Variants in ME1 observed in about 807,000 individuals in gnomAD.
ME1 encodes the protein NADP-dependent malic enzyme.
Under a neutral mutation model 66.4 loss-of-function variants are expected in ME1, and 74 were observed. The ratio of observed to expected loss-of-function variants is 1.11; its 90% CI spans 0.92 to 1.35. ME1 has a LOEUF of 1.35. ME1 is among the 40% of genes most tolerant of loss of function. ME1 has a pLI of 0.00. For synonymous variants in ME1, 251 were observed against 235.6 expected (o/e 1.07, Z -0.60); for missense variants, 750 against 694.1 (o/e 1.08, Z -0.90).
At chr6:83,378,881 G>T (rs539890454) in intron 3 of ME1, among the ~76,000 whole-genome samples, 27 of 151,994 alleles carry the variant, frequency 1.8e-4, no homozygotes, top group Non-Finnish European at 3.4e-4. Context: ...AAAGAAGACT[G>T]CCCTCTGGGA....
intron 5 of ME1, among the ~76,000 whole-genome samples, chr6:83,333,640 T>C (rs969442387): frequency 4.6e-5 from 7 of 152,196 alleles, no homozygotes; most frequent in Non-Finnish European, 4.4e-5. Flanking sequence ...GAAAGTAATA[T>C]GTTGGAGCAT....
At chr6:83,238,326 G>A (rs1290833802) in intron 8 of ME1, among the ~76,000 whole-genome samples, 1 of 152,106 alleles carries the variant, frequency 6.6e-6, no homozygotes, top group Non-Finnish European at 1.5e-5. Context: ...TTTATTGCAA[G>A]ATTAAAGGAA....
rs145109045 is a variant in ME1 at position 83,353,158 on chromosome 6, T to C, written c.363-1019A>G. 7.5e-3 allele frequency among the ~76,000 whole-genome samples: 1,146 copies of C among 152,352 alleles called. 12 individuals are homozygous for C. Among genetic ancestry groups the C allele is most frequent in the African/African-American group, 0.026 (1,070 of 41,578 alleles). ...TAGGTTAACATGTTAATCTTTCTTC[T>C]GTATTCTTGGAAAATTGGTAATTGA... is the stretch of plus-strand genomic sequence containing the variant. On this transcript the variant is annotated intron_variant, in intron 3 of 13. Coordinates refer to ENST00000369705, the MANE Select transcript of ME1 (RefSeq NM_002395.6).
At chr6:83,259,081 C>T (rs1583344555) in intron 6 of ME1, among the ~76,000 whole-genome samples, 3 of 152,088 alleles carry the variant, frequency 2.0e-5, no homozygotes, top group East Asian at 3.9e-4. Context: ...TTCACTGTAA[C>T]CAGGTTAACC....
chr6:83,237,238 A>AGAAAGAAAGAAAGAAAGAAC (rs1790417858), intron 9 of ME1, among the ~76,000 whole-genome samples: 1 of 89,936 alleles, frequency 1.1e-5, no homozygotes, highest in East Asian at 2.9e-4. Context: ...AAAGAAAGAA[A>AGAAAGAAAGAAAGAAAGAAC]GAAAGAAAGA....
At chr6:83,223,694 A>G (rs1790133812) in intron 12 of ME1, 66 bp downstream of exon 12, 1 of 1,440,242 alleles carries the variant, frequency 6.9e-7, no homozygotes, top group African/African-American at 1.4e-5. Context: ...ATAAAACATT[A>G]GACAACCTAG....
At chr6:83,317,159 C>A (rs1354829373) in intron 5 of ME1, among the ~76,000 whole-genome samples, 1 of 152,106 alleles carries the variant, frequency 6.6e-6, no homozygotes. Context: ...ATATAGAGGA[C>A]ACAGGACTTG....
chr6:83,245,996 T>G (rs758358698), intron 7 of ME1, among the ~76,000 whole-genome samples: 1 of 152,188 alleles, frequency 6.6e-6, no homozygotes, highest in Non-Finnish European at 1.5e-5. Flanking sequence ...GGAAGAAGTA[T>G]AGTCAGAATG....
intron 3 of ME1, among the ~76,000 whole-genome samples, chr6:83,357,901 C>CT (rs1324198742): frequency 0.02 from 1,460 of 71,706 alleles, 69 homozygotes; most frequent in Middle Eastern, 0.036. Flanking sequence ...TAATAAACTC[C>CT]CCTCTCTCTC....
At chr6:83,373,805 T>C (rs1769238667) in intron 3 of ME1, among the ~76,000 whole-genome samples, 1 of 152,134 alleles carries the variant, frequency 6.6e-6, no homozygotes, top group African/African-American at 2.4e-5. Flanking sequence ...TTCCCCTCCC[T>C]GTGTCCATGT....
At chr6:83,353,277 G>A (rs576412090) in intron 3 of ME1, among the ~76,000 whole-genome samples, 1 of 152,148 alleles carries the variant, frequency 6.6e-6, no homozygotes, top group South Asian at 2.1e-4. Flanking sequence ...ACCATATTTG[G>A]TATTCCTTTT....
intron 3 of ME1, among the ~76,000 whole-genome samples, chr6:83,396,157 A>G (rs1379130918): frequency 6.6e-6 from 1 of 152,116 alleles, no homozygotes; most frequent in Non-Finnish European, 1.5e-5. Context: ...TGAGGCCAAC[A>G]GTTTGAGACC....
intron 3 of ME1, among the ~76,000 whole-genome samples, chr6:83,364,730 T>TATC (rs1469449440): frequency 2.7e-5 from 4 of 150,628 alleles, no homozygotes; most frequent in African/African-American, 9.9e-5. Context: ...TCTATCTATC[T>TATC]ATCTGTCATC....
At chr6:83,429,466 G>C (rs1429766601) in intron 1 of ME1, among the ~76,000 whole-genome samples, 1 of 151,994 alleles carries the variant, frequency 6.6e-6, no homozygotes, top group Non-Finnish European at 1.5e-5. Flanking sequence ...ACAGTAGGCA[G>C]GTGACACATA....
chr6:83,369,615 G>A (rs1472150334), intron 3 of ME1, among the ~76,000 whole-genome samples: 1 of 150,858 alleles, frequency 6.6e-6, no homozygotes, highest in African/African-American at 2.5e-5. Flanking sequence ...AACAGACAGT[G>A]ACCTTGTCAG....
chr6:83,322,970 T>C (rs973974301), intron 5 of ME1, among the ~76,000 whole-genome samples: 1 of 152,246 alleles, frequency 6.6e-6, no homozygotes, highest in African/African-American at 2.4e-5. Context: ...GCAGAAATTC[T>C]GCAAGCCCGA....
intron 6 of ME1, among the ~76,000 whole-genome samples, chr6:83,276,135 C>G (rs1340405584): frequency 6.6e-6 from 1 of 152,232 alleles, no homozygotes; most frequent in East Asian, 1.9e-4. Context: ...GAAGCACCGA[C>G]TTTTTTGCAT....
intron 6 of ME1, among the ~76,000 whole-genome samples, chr6:83,313,397 A>T (rs1767966646): frequency 1.3e-5 from 2 of 151,414 alleles, no homozygotes; most frequent in Admixed American, 1.3e-4. Flanking sequence ...TCCACATTTA[A>T]AAAAAAAACA....
At chr6:83,331,360 C>T (rs940493641) in intron 5 of ME1, among the ~76,000 whole-genome samples, 157 of 151,902 alleles carry the variant, frequency 1.0e-3, no homozygotes, top group African/African-American at 3.4e-3. Context: ...GAGGCTGAGG[C>T]GGGTGGATCA....
Sources: gnomAD v4.1 joint callset for allele counts (sites outside exome capture counted in the v4.1 genomes callset) on GRCh38, gnomAD v4.1.1 for gene constraint, MANE v1.5 for transcripts, NCBI Gene and HGNC (gene_info 2026-07-23, HGNC 2026-07-21) for gene names.